The following ZNF536 variants were observed in gnomAD, a reference collection of about 807,000 sequenced individuals.
The protein encoded by ZNF536 is zinc finger protein 536.
ZNF536 carries 13 observed loss-of-function variants against 84.5 expected under a neutral mutation model. That is an observed-to-expected ratio of 0.15 (90% CI 0.10 to 0.24). ZNF536 has a LOEUF of 0.24. Ranked by LOEUF, ZNF536 falls within the 10% of genes least tolerant of loss-of-function variation. ZNF536 has a pLI of 1.00. For missense variants in ZNF536, 1,536 were observed against 1,747.5 expected, an observed-to-expected ratio of 0.88 and a Z score of 2.16; for synonymous variants, 811 against 742.5, an observed-to-expected ratio of 1.09 and a Z score of -1.50.
At chr19:30,363,316 C>T (rs1171690237) in intron 3 of ZNF536, among the ~76,000 whole-genome samples, 2 of 152,198 alleles carry the variant, frequency 1.3e-5, no homozygotes, top group African/African-American at 2.4e-5. Flanking sequence ...CCCTCGGTGG[C>T]ACTGCTGTTG....
At chr19:30,288,885 A>G (rs1240707221) in intron 2 of ZNF536, among the ~76,000 whole-genome samples, 1 of 152,182 alleles carries the variant, frequency 6.6e-6, no homozygotes, top group Non-Finnish European at 1.5e-5. Flanking sequence ...ATGAAAATGT[A>G]GGCCATTTTC....
intron 1 of ZNF536, among the ~76,000 whole-genome samples, chr19:30,267,029 G>A (rs907378831): frequency 6.6e-5 from 10 of 152,226 alleles, no homozygotes; most frequent in Non-Finnish European, 2.9e-5. Context: ...TGTTTGTTAC[G>A]AAGCTGAGTG....
chr19:30,384,016 C>T (rs138125361), intron 1 of ZNF536, among the ~76,000 whole-genome samples: 1,376 of 121,842 alleles, frequency 0.011, 32 homozygotes, highest in African/African-American at 0.037. Context: ...AAACCACATA[C>T]ACCACCTGCA....
At chr19:30,243,207 C>CT (rs1293039987) in intron 1 of ZNF536, among the ~76,000 whole-genome samples, 15 of 151,460 alleles carry the variant, frequency 9.9e-5, no homozygotes, top group East Asian at 1.9e-4. Flanking sequence ...TGTGGAACAG[C>CT]TTTTTTTTTC....
In ZNF536 at chr19:30,321,724, A is replaced by ATT. The variant is rs759970575; in HGVS notation, c.-119-30643_-119-30642dup. 1.6e-3 allele frequency among the ~76,000 whole-genome samples: 245 copies of ATT among 148,662 alleles called. 2 individuals are homozygous for ATT. The highest frequency in any genetic ancestry group is 6.9e-3 in the Middle Eastern group (2 of 288). ...TTCATCTTCCTCTTTTTTTTTTTTA[A>ATT]TTAGTCTACCTGGCTAATTTAATTT... On this transcript the variant is annotated intron_variant, in intron 2 of 5. Transcript: ENST00000585628.
Position 30,526,690 on chromosome 19 carries a change from C to G in ZNF536, c.2171-8157C>G, listed in dbSNP as rs1056596137. On this transcript the variant is annotated intron_variant, in intron 2 of 4. Coordinates refer to ENST00000355537, the MANE Select transcript of ZNF536 (RefSeq NM_014717.3). ...AGTGAGCCGAGATTGCGCCACTGCACTCCAGCCTGGGCGACAGAGCGAGAC... is the reference window on the plus strand; with the variant it reads ...AGTGAGCCGAGATTGCGCCACTGCAGTCCAGCCTGGGCGACAGAGCGAGAC... Among the ~76,000 whole-genome samples, 16 of 137,904 alleles carry G rather than the reference C, an allele frequency of 1.2e-4. 1 individual carries two copies. The highest frequency in any genetic ancestry group is 4.4e-4 in the African/African-American group (16 of 36,266). The allele number at this position is 137,904 out of a possible 152,430, so 90.5% of individuals were successfully genotyped here. A position where few individuals can be genotyped will look rare whatever the true frequency, so the allele number is the denominator to read the frequency against.
chr19:30,287,826 T>C (rs2045701948), intron 2 of ZNF536, among the ~76,000 whole-genome samples: 1 of 152,048 alleles, frequency 6.6e-6, no homozygotes, highest in Non-Finnish European at 1.5e-5. Flanking sequence ...GATGGATGGA[T>C]GGATGAATGG....
chr19:30,659,649 CAGA>C (rs907058892), intron 1 of ZNF536, among the ~76,000 whole-genome samples: 1 of 152,176 alleles, frequency 6.6e-6, no homozygotes, highest in Non-Finnish European at 1.5e-5. Flanking sequence ...GGGGAAATGC[CAGA>C]AGCTTATAAA....
chr19:30,710,461 G>GC (rs1193250037), intron 1 of ZNF536, among the ~76,000 whole-genome samples: 2 of 152,128 alleles, frequency 1.3e-5, no homozygotes, highest in Non-Finnish European at 2.9e-5. Flanking sequence ...GATGGCTTGA[G>GC]CCCAGGAGTT....
intron 2 of ZNF536, among the ~76,000 whole-genome samples, chr19:30,339,431 TGCAG>T (rs1568343168): frequency 6.6e-6 from 1 of 152,166 alleles, no homozygotes; most frequent in Non-Finnish European, 1.5e-5. Flanking sequence ...CTGGGTGAGG[TGCAG>T]GTGGGAATAC....
In ZNF536 at chr19:30,445,450, C is replaced by A. The variant is rs762517451; in HGVS notation, c.1888C>A (p.Pro630Thr). 6 of 1,613,964 alleles carry A rather than the reference C, an allele frequency of 3.7e-6. No individual in the cohort carries two copies. The highest frequency in any genetic ancestry group is 1.3e-5 in the African/African-American group (1 of 74,916). ...GGGTCCTGGGAACATGAAGGAGAAG[C>A]CCACCGAGTGCCCCGACTGCGGCCG... ...LQGPGNMKEK[P>T]TECPDCGRVF... Residue 630 changes from proline (P) to threonine (T), a missense_variant, in exon 2 of 5, where the codon CCC becomes ACC. Physicochemically the swap from Pro to Thr is conservative, Grantham distance 38. This residue lies in a region of ZNF536 where 366 missense variants were observed against 364.4 expected (regional missense o/e 1.00). Coordinates refer to ENST00000355537, the MANE Select transcript of ZNF536 (RefSeq NM_014717.3). This position sits in a 1 kb window ranked among gnomAD's most constrained non-coding sequence, Gnocchi z 4.5.
At chr19:30,640,948 G>C (rs962235858) in intron 1 of ZNF536, among the ~76,000 whole-genome samples, 1 of 152,194 alleles carries the variant, frequency 6.6e-6, no homozygotes, top group African/African-American at 2.4e-5. Flanking sequence ...CATAGACACA[G>C]AATGCTGTGG....
At chr19:30,361,488 G>T (rs1216201578) in intron 3 of ZNF536, among the ~76,000 whole-genome samples, 1 of 151,956 alleles carries the variant, frequency 6.6e-6, no homozygotes, top group Non-Finnish European at 1.5e-5. Flanking sequence ...TTGTAATGAG[G>T]GTCCAATTGT....
At position 30,630,654 on chromosome 19, in the gene ZNF536, C is replaced by T. The variant is rs193062297; in HGVS notation, c.170-80103C>T. Among the ~76,000 whole-genome samples, 442 of 152,288 alleles carry T rather than the reference C, an allele frequency of 2.9e-3. 5 individuals carry two copies. The South Asian group carries it at 0.03, about 10-fold the overall frequency. ...TCCAGAAAGCCCTCCTTGGCACAGC[C>T]GACCTCCCTTCTGCCTGCTCTTCCT... On this transcript the variant is annotated intron_variant, in intron 1 of 1. Coordinates refer to the ZNF536 transcript ENST00000592773.
chr19:30,563,228 C>T (rs1387008687), intron 1 of ZNF536, among the ~76,000 whole-genome samples: 1 of 152,124 alleles, frequency 6.6e-6, no homozygotes, highest in Non-Finnish European at 1.5e-5. Flanking sequence ...TTTGTACTCA[C>T]CGCTGGAAGG....
chr19:30,344,660 G>C (rs981905016), intron 2 of ZNF536, among the ~76,000 whole-genome samples: 1 of 131,004 alleles, frequency 7.6e-6, no homozygotes, highest in Non-Finnish European at 1.6e-5. Context: ...TTGGGCTGGA[G>C]CAGAGCAGGC....
At chr19:30,590,409 G>A (rs767765289) in intron 1 of ZNF536, among the ~76,000 whole-genome samples, 2 of 152,210 alleles carry the variant, frequency 1.3e-5, no homozygotes, top group Non-Finnish European at 2.9e-5. Context: ...AGGAGAGTGG[G>A]TGACATGCAC....
chr19:30,345,009 ACAACAG>A (rs1250716879), intron 2 of ZNF536, among the ~76,000 whole-genome samples: 1 of 152,250 alleles, frequency 6.6e-6, no homozygotes, highest in African/African-American at 2.4e-5. Context: ...TATAGCATCA[ACAACAG>A]CAACAGCAAC....
At chr19:30,263,881 T>C (rs201406962) in intron 1 of ZNF536, among the ~76,000 whole-genome samples, 9 of 148,006 alleles carry the variant, frequency 6.1e-5, no homozygotes, top group South Asian at 2.1e-4. Context: ...CACACACACA[T>C]ACACACACAC....
Sources: allele counts gnomAD v4.1 joint callset (sites outside exome capture counted in the v4.1 genomes callset), GRCh38; gene constraint gnomAD v4.1.1; regional missense constraint gnomAD v4.1.1; non-coding constraint Gnocchi (gnomAD v3.1); transcripts MANE v1.5; gene names NCBI Gene and HGNC (gene_info 2026-07-23, HGNC 2026-07-21).